The following GABRG3 variants were observed in gnomAD, a reference collection of about 807,000 sequenced individuals.
GABRG3 encodes gamma-aminobutyric acid type A receptor subunit gamma3.
GABRG3 carries 25 observed loss-of-function variants against 48.8 expected under a neutral mutation model. The observed-to-expected ratio is 0.51, with a 90% CI of 0.37 to 0.72. The LOEUF (loss-of-function observed/expected upper bound fraction) is 0.72, where lower values mean the gene tolerates loss of function less well. GABRG3 is among the 30% of genes least tolerant of loss of function. The pLI is 0.00. For synonymous variants in GABRG3, 227 were observed against 217.6 expected (o/e 1.04, Z -0.38); for missense variants, 394 against 577.9 (o/e 0.68, Z 3.26).
intron 5 of GABRG3, among the ~76,000 whole-genome samples, chr15:27,357,676 A>G (rs113878139): frequency 3.9e-5 from 6 of 152,216 alleles, no homozygotes; most frequent in Admixed American, 6.5e-5. Flanking sequence ...GATGATTTTC[A>G]TATCTGCTTC....
In GABRG3 at chr15:27,067,691, A is replaced by G. The variant is rs551599213; in HGVS notation, c.270+40870A>G. Among the ~76,000 whole-genome samples, 10 of 152,264 alleles carry G rather than the reference A, an allele frequency of 6.6e-5. No homozygotes were observed. The East Asian group carries it at 1.9e-3, about 30-fold the overall frequency. ...CCCCGATTTTGGGGAGGCTGAGCCCATCAGCTTAGGCACCTGGAACTTTAG... is the reference window on the plus strand; with the variant it reads ...CCCCGATTTTGGGGAGGCTGAGCCCGTCAGCTTAGGCACCTGGAACTTTAG... On this transcript the variant is annotated intron_variant, in intron 3 of 9. Coordinates refer to ENST00000615808, the MANE Select transcript of GABRG3 (RefSeq NM_033223.5).
chr15:27,244,627 C>A (rs1890221309), intron 3 of GABRG3, among the ~76,000 whole-genome samples: 1 of 151,996 alleles, frequency 6.6e-6, no homozygotes, highest in Non-Finnish European at 1.5e-5. Flanking sequence ...ATATTTAAAT[C>A]TTAGCTGGGC....
chr15:27,223,953 A>G (rs1057423325), intron 3 of GABRG3, among the ~76,000 whole-genome samples: 1 of 152,228 alleles, frequency 6.6e-6, no homozygotes, highest in Non-Finnish European at 1.5e-5. Context: ...GTTCCTTAAC[A>G]CTGTATGTCT....
intron 5 of GABRG3, among the ~76,000 whole-genome samples, chr15:27,436,176 C>T (rs1028219898): frequency 3.0e-4 from 45 of 152,198 alleles, no homozygotes; most frequent in African/African-American, 9.9e-4. Flanking sequence ...AAGATCAAGG[C>T]ACTAGCAGAT....
At chr15:27,033,068 G>A (rs1267235186) in intron 3 of GABRG3, among the ~76,000 whole-genome samples, 4 of 152,116 alleles carry the variant, frequency 2.6e-5, no homozygotes, top group East Asian at 1.9e-4. Flanking sequence ...TAAATGTGTC[G>A]AGGAGATAAC....
chr15:27,003,651 T>C (rs978611901), intron 2 of GABRG3, among the ~76,000 whole-genome samples: 14 of 152,198 alleles, frequency 9.2e-5, no homozygotes, highest in African/African-American at 2.9e-4. Flanking sequence ...AACCATCCGA[T>C]TTCTCAATCT....
chr15:27,419,672 C>T (rs186182438), intron 5 of GABRG3, among the ~76,000 whole-genome samples: 2 of 152,168 alleles, frequency 1.3e-5, no homozygotes, highest in African/African-American at 4.8e-5. Flanking sequence ...TAAAGATGGC[C>T]CCATTATGAT....
rs1377080195 is a variant in GABRG3, at chr15:27,248,803, C to CACACACACACACACAGAGAGAG, written c.271-78005_271-78004insCACACACACACACAGAGAGAGA. Among the ~76,000 whole-genome samples the CACACACACACACACAGAGAGAG allele has an allele frequency of 2.7e-5, 3 of 110,238 alleles. No individual in the cohort carries two copies. The East Asian group carries it at 7.5e-4, about 27-fold the overall frequency. 72.3% of individuals were successfully genotyped at this position (110,238 alleles called of 152,430 possible). On this transcript the variant is annotated intron_variant, in intron 3 of 9. Coordinates refer to ENST00000615808, the MANE Select transcript of GABRG3 (RefSeq NM_033223.5). ...ACACACACACACACACACACACACA[C>CACACACACACACACAGAGAGAG]AGAGAGAGAGAGAGAGAGAGAGAGA...
At chr15:27,322,287 A>G (rs1566784710) in intron 3 of GABRG3, among the ~76,000 whole-genome samples, 1 of 152,210 alleles carries the variant, frequency 6.6e-6, no homozygotes, top group Non-Finnish European at 1.5e-5. Flanking sequence ...TTCAGAACGA[A>G]GAAGAGCTTG....
chr15:27,359,834 A>G (rs778445221), intron 5 of GABRG3, among the ~76,000 whole-genome samples: 6 of 152,248 alleles, frequency 3.9e-5, no homozygotes, highest in Non-Finnish European at 7.3e-5. Context: ...AGTCATGCCA[A>G]GTTTATCTGA....
At chr15:27,279,273 G>A (rs1033769561) in intron 3 of GABRG3, among the ~76,000 whole-genome samples, 25 of 152,118 alleles carry the variant, frequency 1.6e-4, no homozygotes, top group African/African-American at 5.8e-4. Context: ...TTGAAGTCCT[G>A]ATTTATTGAT....
At chr15:27,476,673 A>G (rs74707347) in intron 5 of GABRG3, among the ~76,000 whole-genome samples, 12,814 of 152,246 alleles carry the variant, frequency 0.084, 934 homozygotes, top group East Asian at 0.37. Flanking sequence ...ACAGAAATGA[A>G]TATACCTGTG....
At position 27,068,237 on chromosome 15, in the gene GABRG3, C is replaced by T. The variant is rs116758973; in HGVS notation, c.270+41416C>T. 6.7e-3 allele frequency among the ~76,000 whole-genome samples: 1,026 copies of T among 152,314 alleles called. 10 individuals carry two copies. The highest frequency in any genetic ancestry group is 0.024 in the African/African-American group (991 of 41,574). ...AGGTGCTGGTGGAAGCTGCTGGCTGCGAAGCATAACCACTGCTGTGTAACA... is the reference window on the plus strand; with the variant it reads ...AGGTGCTGGTGGAAGCTGCTGGCTGTGAAGCATAACCACTGCTGTGTAACA... On this transcript the variant is annotated intron_variant, in intron 3 of 9. Coordinates refer to ENST00000615808, the MANE Select transcript of GABRG3 (RefSeq NM_033223.5).
intron 3 of GABRG3, among the ~76,000 whole-genome samples, chr15:27,132,834 T>G (rs1209825539): frequency 1.3e-5 from 2 of 151,872 alleles, no homozygotes; most frequent in Non-Finnish European, 2.9e-5. Flanking sequence ...TTTCTTCCTT[T>G]GCTAGCTTTG....
At chr15:27,073,743 A>G (rs1031130885) in intron 3 of GABRG3, among the ~76,000 whole-genome samples, 2 of 152,252 alleles carry the variant, frequency 1.3e-5, no homozygotes, top group Non-Finnish European at 2.9e-5. Context: ...AAGGGACAAG[A>G]GTCCAAGCTT....
At chr15:27,280,028 A>T (rs1055018763) in intron 3 of GABRG3, among the ~76,000 whole-genome samples, 1 of 152,032 alleles carries the variant, frequency 6.6e-6, no homozygotes, top group Non-Finnish European at 1.5e-5. Flanking sequence ...CAGGTTTGTT[A>T]TTTATATTGC....
chr15:27,174,405 T>C (rs1233403252), intron 3 of GABRG3, among the ~76,000 whole-genome samples: 1 of 152,214 alleles, frequency 6.6e-6, no homozygotes, highest in East Asian at 1.9e-4. Context: ...CCTCTTTTAA[T>C]AGCCAGAATC....
chr15:27,305,320 C>T (rs1892361238), intron 3 of GABRG3, among the ~76,000 whole-genome samples: 4 of 151,146 alleles, frequency 2.6e-5, no homozygotes, highest in African/African-American at 7.3e-5. Flanking sequence ...AAAATGTGTA[C>T]AGTGTAAGTT....
intron 3 of GABRG3, among the ~76,000 whole-genome samples, chr15:27,277,803 C>T (rs777983423): frequency 1.2e-4 from 18 of 152,062 alleles, no homozygotes; most frequent in Non-Finnish European, 2.1e-4. Context: ...ATTTAGAGGC[C>T]ATTAAAGCAT....
Sources: gnomAD v4.1 joint callset for allele counts (sites outside exome capture counted in the v4.1 genomes callset) on GRCh38, gnomAD v4.1.1 for gene constraint, MANE v1.5 for transcripts, NCBI Gene and HGNC (gene_info 2026-07-23, HGNC 2026-07-21) for gene names.